LHPP: variants seen among roughly 807,000 people sequenced by gnomAD.
The protein encoded by LHPP is hLHPP.
Under a neutral mutation model 30.3 loss-of-function variants are expected in LHPP, and 24 were observed. That is an observed-to-expected ratio of 0.79 (90% CI 0.57 to 1.11). The LOEUF is 1.11. Ranked by LOEUF, LHPP falls within the 50% of genes most tolerant of loss-of-function variation. LHPP has a pLI of 0.00. For synonymous variants in LHPP, 150 were observed against 157.1 expected (o/e 0.95, Z 0.34); for missense variants, 356 against 367.2 (o/e 0.97, Z 0.25).
intron 6 of LHPP, among the ~76,000 whole-genome samples, chr10:124,542,252 C>T (rs1004160890): frequency 1.3e-5 from 2 of 152,210 alleles, no homozygotes; most frequent in African/African-American, 4.8e-5. Flanking sequence ...ACTGTGACCC[C>T]AGGCTGTGGG....
At position 124,592,862 on chromosome 10, in the gene LHPP, G is replaced by A. The variant is rs1335880117; in HGVS notation, c.717-20402G>A. Among the ~76,000 whole-genome samples the A allele has an allele frequency of 2.6e-5, 4 of 152,374 alleles. No individual in the cohort carries two copies. Among genetic ancestry groups the A allele is most frequent in the Admixed American group, 6.5e-5 (1 of 15,314 alleles). On this transcript the variant is annotated intron_variant, in intron 6 of 6. Transcript: ENST00000368842. This position sits in a 1 kb window ranked among gnomAD's most constrained non-coding sequence, Gnocchi z 6.2. ...GGGCGCGGCAGCCCGCCAGGAGCCC[G>A]GGCAGCTTGGATGGGGTCCCTGTGG...
Position 124,484,174 on chromosome 10 carries a change from C to T in LHPP, c.161C>T (p.Thr54Ile). Residue 54 changes from threonine to isoleucine, a missense_variant, in exon 2 of 7, where the codon ACC becomes ATC. Coordinates refer to ENST00000368842, the MANE Select transcript of LHPP (RefSeq NM_022126.4). ...KRSRLKVRFCTNESQKSRAEL... is the reference protein window; with the variant it reads ...KRSRLKVRFCINESQKSRAEL... ...TCCCGGCTGAAGGTGAGGTTCTGCA[C>T]CAACGAGTCGCAGAAGTCCCGGGCA... is the stretch of plus-strand genomic sequence containing the variant. The T allele has an allele frequency of 1.2e-6, 2 of 1,614,074 alleles. No homozygotes were observed. The highest frequency in any genetic ancestry group is 1.7e-6 in the Non-Finnish European group (2 of 1,180,018).
rs569740712 is a variant in LHPP at position 124,520,065 on chromosome 10, C to A, written c.716+2794C>A. On this transcript the variant is annotated intron_variant, in intron 6 of 6. Coordinates refer to ENST00000368842, the MANE Select transcript of LHPP (RefSeq NM_022126.4). ...AGCCAGGATGGTCTCGATCTCCTGA[C>A]CCCGTGATCTGCCCACCTCGGCCTC... Among the ~76,000 whole-genome samples, 14 of 152,068 alleles carry A rather than the reference C, an allele frequency of 9.2e-5. No homozygotes were observed. The East Asian group carries it at 2.7e-3, about 29-fold the overall frequency.
intron 6 of LHPP, among the ~76,000 whole-genome samples, chr10:124,521,646 T>TAAC (rs1354594043): frequency 6.6e-6 from 1 of 151,932 alleles, no homozygotes; most frequent in African/African-American, 2.4e-5. Flanking sequence ...CTGCAGTGAG[T>TAAC]AACTGCGCTC....
In LHPP at chr10:124,596,327, A is replaced by G. The variant is rs1948941402; in HGVS notation, c.717-16937A>G. Among the ~76,000 whole-genome samples, 1 of 151,956 alleles carries G rather than the reference A, an allele frequency of 6.6e-6. No homozygotes were observed. The highest frequency in any genetic ancestry group is 2.1e-4 in the South Asian group (1 of 4,808). ...GTTTAGTGTAGGAGACTCTTGCCAAACATTTCTCCAGAGTGTCTGATGTAC... is the reference window on the plus strand; with the variant it reads ...GTTTAGTGTAGGAGACTCTTGCCAAGCATTTCTCCAGAGTGTCTGATGTAC... On this transcript the variant is annotated intron_variant, in intron 6 of 6. Coordinates refer to ENST00000368842, the MANE Select transcript of LHPP (RefSeq NM_022126.4). The surrounding 1 kb of genome is among the most constrained non-coding windows in gnomAD (Gnocchi z 4.6).
At chr10:124,574,139 T>C (rs1948625705) in intron 6 of LHPP, among the ~76,000 whole-genome samples, 1 of 152,110 alleles carries the variant, frequency 6.6e-6, no homozygotes, top group Non-Finnish European at 1.5e-5. Flanking sequence ...TGCGTGCACA[T>C]GTGTGAAACC....
intron 6 of LHPP, among the ~76,000 whole-genome samples, chr10:124,522,437 G>C (rs1364051107): frequency 1.3e-5 from 2 of 152,178 alleles, no homozygotes; most frequent in Non-Finnish European, 2.9e-5. Flanking sequence ...AAATCCTCAT[G>C]ATGCCATGAG....
At chr10:124,475,881 C>G (rs1385965072) in intron 1 of LHPP, among the ~76,000 whole-genome samples, 1 of 152,180 alleles carries the variant, frequency 6.6e-6, no homozygotes, top group Non-Finnish European at 1.5e-5. Context: ...CCTTAGTATC[C>G]CCCTCTGTGA....
intron 6 of LHPP, among the ~76,000 whole-genome samples, chr10:124,574,237 G>A (rs61870247): frequency 0.11 from 16,559 of 152,288 alleles, 1,208 homozygotes; most frequent in Non-Finnish European, 0.16. Flanking sequence ...ATCTCAGCGC[G>A]CAGCCACAGC....
chr10:124,565,129 C>T (rs919579614), intron 6 of LHPP, among the ~76,000 whole-genome samples: 15 of 152,260 alleles, frequency 9.9e-5, no homozygotes, highest in Admixed American at 9.8e-4. Flanking sequence ...AGTGAGGCCC[C>T]CCTGAGGTAC....
intron 6 of LHPP, among the ~76,000 whole-genome samples, chr10:124,600,311 CCCCTG>C (rs1332655673): frequency 6.6e-6 from 1 of 152,256 alleles, no homozygotes; most frequent in African/African-American, 2.4e-5. Flanking sequence ...TCTTCCTAGG[CCCCTG>C]CCCTGGGGCA....
At chr10:124,540,667 G>A (rs1162707281) in intron 6 of LHPP, among the ~76,000 whole-genome samples, 3 of 152,194 alleles carry the variant, frequency 2.0e-5, no homozygotes, top group Non-Finnish European at 4.4e-5. Context: ...TGGGGTTCAC[G>A]GTGCTCCATG....
At chr10:124,555,347 G>T (rs1432195213) in intron 6 of LHPP, among the ~76,000 whole-genome samples, 1 of 152,174 alleles carries the variant, frequency 6.6e-6, no homozygotes, top group Non-Finnish European at 1.5e-5. Flanking sequence ...AGTGAGATGG[G>T]GGCTCTACAA....
chr10:124,515,489 T>C (rs1245621460), intron 5 of LHPP, among the ~76,000 whole-genome samples: 2 of 151,920 alleles, frequency 1.3e-5, no homozygotes, highest in East Asian at 3.9e-4. Flanking sequence ...TTCTCCTCCT[T>C]CTGCATGATA....
Position 124,562,910 on chromosome 10 carries a change from C to T in LHPP, c.716+45639C>T, listed in dbSNP as rs373754496. The stretch of plus-strand genomic sequence containing the variant: ...TCATGCCACTGCACCTCAGCCTGGG[C>T]GACAAAACAAGAAAGATACCATCTA... On this transcript the variant is annotated intron_variant, in intron 6 of 6. Transcript: ENST00000368842. Among the ~76,000 whole-genome samples, 277 of 142,868 alleles carry T rather than the reference C, an allele frequency of 1.9e-3. 13 individuals are homozygous for T. The South Asian group carries it at 0.058, about 30-fold the overall frequency. The allele number at this position is 142,868 out of a possible 152,430, so 93.7% of individuals were successfully genotyped here.
chr10:124,555,831 C>T (rs950282228), intron 6 of LHPP, among the ~76,000 whole-genome samples: 7 of 152,092 alleles, frequency 4.6e-5, no homozygotes, highest in Admixed American at 4.6e-4. Flanking sequence ...TTGTTCTGGG[C>T]TCAGTTCTGC....
At chr10:124,498,223 G>C (rs757191801) in intron 5 of LHPP, 95 bp downstream of exon 5, 948 of 1,478,920 alleles carry the variant, frequency 6.4e-4, no homozygotes, top group Non-Finnish European at 8.1e-4. Flanking sequence ...GCAGCCTGTG[G>C]GGTTGGCCAG....
intron 6 of LHPP, among the ~76,000 whole-genome samples, chr10:124,551,198 C>T (rs1948158475): frequency 6.6e-6 from 1 of 152,276 alleles, no homozygotes; most frequent in Non-Finnish European, 1.5e-5. Flanking sequence ...GCCTCAGAGA[C>T]TGCGCAGAAG....
Position 124,530,644 on chromosome 10 carries a change from C to T in LHPP, c.716+13373C>T, listed in dbSNP as rs1013393542. Among the ~76,000 whole-genome samples the T allele has an allele frequency of 8.5e-5, 13 of 152,230 alleles. No homozygotes were observed. In the South Asian group the frequency reaches 1.0e-3, roughly 12 times the overall value. ...TCATTCCCTCCCAGATGCCGCACCA[C>T]CCCCATGCCCTGTGTGCCCTCTGCC... On this transcript the variant is annotated intron_variant, in intron 6 of 6. Transcript: ENST00000368842.
Sources: gnomAD v4.1 joint callset for allele counts (sites outside exome capture counted in the v4.1 genomes callset) on GRCh38, gnomAD v4.1.1 for gene constraint, Gnocchi (gnomAD v3.1) non-coding constraint, MANE v1.5 for transcripts, NCBI Gene and HGNC (gene_info 2026-07-23, HGNC 2026-07-21) for gene names.